The following XKR3 variants were observed in gnomAD, a reference collection of about 807,000 sequenced individuals.
XKR3 encodes the protein XK-related protein 3.
In XKR3, 27 loss-of-function variants were observed where a neutral mutation model predicts 40.3. That is an observed-to-expected ratio of 0.67 (90% confidence interval 0.49 to 0.92). XKR3 has a LOEUF of 0.92. Ranked by LOEUF, XKR3 falls within the 40% of genes least tolerant of loss-of-function variation. The pLI is 0.00. For synonymous variants in XKR3, 193 were observed against 195.4 expected (o/e 0.99, Z 0.10); for missense variants, 472 against 537.6 (o/e 0.88, Z 1.21).
chr22:16,791,352 C>T (rs373323322), intron 3 of XKR3, among the ~76,000 whole-genome samples: 10 of 150,038 alleles, frequency 6.7e-5, no homozygotes, highest in African/African-American at 2.4e-4. Context: ...GAGAGTGAAA[C>T]AATGGTTACC....
chr22:16,820,952 CA>C (rs1297103323), intron 1 of XKR3, among the ~76,000 whole-genome samples: 1 of 152,080 alleles, frequency 6.6e-6, no homozygotes, highest in Admixed American at 6.6e-5. Flanking sequence ...CCCTTTTTCC[CA>C]TTTGAAAACT....
intron 1 of XKR3, among the ~76,000 whole-genome samples, chr22:16,812,926 C>A (rs1157599383): frequency 2.0e-5 from 3 of 152,122 alleles, no homozygotes; most frequent in African/African-American, 7.2e-5. Context: ...TGAGGCTGTT[C>A]GTGACTTACA....
At chr22:16,793,162 T>G (rs2060127430) in intron 3 of XKR3, among the ~76,000 whole-genome samples, 1 of 152,072 alleles carries the variant, frequency 6.6e-6, no homozygotes, top group Admixed American at 6.6e-5. Flanking sequence ...ACAGGCATGC[T>G]CCACCACGCC....
At chr22:16,791,778 G>GGAGAGAGAGA (rs763159994) in intron 3 of XKR3, among the ~76,000 whole-genome samples, 7 of 123,176 alleles carry the variant, frequency 5.7e-5, no homozygotes, top group Admixed American at 8.6e-5. Context: ...GGAGAGAGAG[G>GGAGAGAGAGA]GAGAGAGAGA....
chr22:16,803,514 A>T (rs988989765), intron 2 of XKR3, among the ~76,000 whole-genome samples: 3 of 152,200 alleles, frequency 2.0e-5, no homozygotes, highest in African/African-American at 7.2e-5. Context: ...GTTACAGGAT[A>T]AAAAGGAGGT....
chr22:16,798,730 A>G (rs1472725876), intron 3 of XKR3, among the ~76,000 whole-genome samples: 1 of 152,258 alleles, frequency 6.6e-6, no homozygotes, highest in African/African-American at 2.4e-5. Context: ...GGTGGAGGCC[A>G]TTATCCTAAG....
chr22:16,818,395 T>A (rs2060242294), intron 1 of XKR3, among the ~76,000 whole-genome samples: 1 of 152,146 alleles, frequency 6.6e-6, no homozygotes, highest in Non-Finnish European at 1.5e-5. Flanking sequence ...CTGGGTTTTC[T>A]TATTGCCTTC....
At chr22:16,786,924 C>T (rs1400263229) in intron 3 of XKR3, among the ~76,000 whole-genome samples, 55 of 151,916 alleles carry the variant, frequency 3.6e-4, no homozygotes, top group African/African-American at 1.3e-3. Flanking sequence ...GTGAGTGACC[C>T]GAAAGAGATG....
intron 3 of XKR3, among the ~76,000 whole-genome samples, chr22:16,792,539 A>T (rs1473225731): frequency 6.6e-6 from 1 of 152,228 alleles, no homozygotes; most frequent in East Asian, 1.9e-4. Flanking sequence ...TTACTGCTGA[A>T]GGTCTCATAT....
chr22:16,803,260 G>T (rs2060176687), intron 2 of XKR3, among the ~76,000 whole-genome samples: 1 of 152,024 alleles, frequency 6.6e-6, no homozygotes, highest in African/African-American at 2.4e-5. Flanking sequence ...AAAACTAGAA[G>T]AAACTGCAGA....
intron 1 of XKR3, among the ~76,000 whole-genome samples, chr22:16,821,220 GA>G (rs1001862681): frequency 2.6e-5 from 4 of 151,992 alleles, no homozygotes; most frequent in Admixed American, 1.3e-4. Flanking sequence ...GACCTTAACT[GA>G]AAAAATGTAT....
chr22:16,786,877 C>A (rs2060092866), intron 3 of XKR3, among the ~76,000 whole-genome samples: 1 of 152,108 alleles, frequency 6.6e-6, no homozygotes, highest in Non-Finnish European at 1.5e-5. Flanking sequence ...ATGACGAGAA[C>A]ATCATGGCAC....
Position 16,805,793 on chromosome 22 carries a change from G to A in XKR3, c.335+1946C>T, listed in dbSNP as rs1033993363. ...TCCAAAATATACACTCATATTTACC[G>A]TCAGCTGATTTTCAACAAGGCTGCC... On this transcript the variant is annotated intron_variant, in intron 2 of 3. Transcript: ENST00000684488. Among the ~76,000 whole-genome samples, 9 of 152,034 alleles carry A rather than the reference G, an allele frequency of 5.9e-5. No individual in the cohort carries two copies. The South Asian group carries it at 6.2e-4, about 10-fold the overall frequency.
chr22:16,785,285 C>A lies in XKR3; in HGVS notation c.590-876G>T, dbSNP rs756560132. ...TGAGCTGAGATCGTGCCACTGCACT[C>A]CAGCCTGGGCGACAGAGCGAGACTC... On this transcript the variant is annotated intron_variant, in intron 3 of 3. Transcript: ENST00000684488. Among the ~76,000 whole-genome samples the A allele has an allele frequency of 2.2e-4, 33 of 152,120 alleles. 1 individual carries two copies. Among genetic ancestry groups the A allele is most frequent in the Middle Eastern group, 6.8e-3 (2 of 294 alleles).
In XKR3 at chr22:16,783,969, T is replaced by C. The variant is rs2060077704; in HGVS notation, c.1030A>G (p.Arg344Gly). 1 of 1,614,142 alleles carries C rather than the reference T, an allele frequency of 6.2e-7. No individual in the cohort carries two copies. The highest frequency in any genetic ancestry group is 8.5e-7 in the Non-Finnish European group (1 of 1,180,058). ...AACTGAAAGCTGTAGTGTAGGATTC[T>C]ATGGCCCCACCTCTGTCTCCCGTCA... The part of the protein sequence containing the change: ...IIDGRQRWGH[R>G]ILHYSFQFLE... The change falls in exon 4 of 4, where the codon AGA (arginine) becomes GGA (glycine). Residue 344 changes from arginine (R) to glycine (G), a missense_variant. Coordinates refer to ENST00000684488, the MANE Select transcript of XKR3 (RefSeq NM_001386955.1).
At chr22:16,810,289 C>G (rs752233379) in intron 1 of XKR3, among the ~76,000 whole-genome samples, 2 of 152,184 alleles carry the variant, frequency 1.3e-5, no homozygotes, top group Admixed American at 6.5e-5. Flanking sequence ...ATCCACTTTC[C>G]AAACAACTTT....
At chr22:16,806,878 A>T (rs1371462322) in intron 2 of XKR3, among the ~76,000 whole-genome samples, 1 of 152,322 alleles carries the variant, frequency 6.6e-6, no homozygotes, top group South Asian at 2.1e-4. Context: ...AATAAAGAAA[A>T]CACACCAAAA....
intron 1 of XKR3, among the ~76,000 whole-genome samples, chr22:16,808,802 G>A (rs1011470510): frequency 1.3e-5 from 2 of 152,080 alleles, no homozygotes; most frequent in African/African-American, 2.4e-5. Context: ...GTCACTATGT[G>A]TGGGAAGCAA....
At chr22:16,817,756 T>A (rs181508437) in intron 1 of XKR3, among the ~76,000 whole-genome samples, 2,415 of 152,186 alleles carry the variant, frequency 0.016, 36 homozygotes, top group African/African-American at 0.03. Flanking sequence ...TTTATTTTTT[T>A]AAAAAGAATA....
Sources: allele counts gnomAD v4.1 joint callset (sites outside exome capture counted in the v4.1 genomes callset), GRCh38; gene constraint gnomAD v4.1.1; transcripts MANE v1.5; gene names NCBI Gene and HGNC (gene_info 2026-07-23, HGNC 2026-07-21).